Variants in DCP2 observed in about 807,000 individuals in gnomAD.
DCP2 encodes decapping mRNA 2.
In DCP2, 30 loss-of-function variants were observed where a neutral mutation model predicts 56.1. That is an observed-to-expected ratio of 0.53 (90% confidence interval 0.40 to 0.73). DCP2 has a LOEUF of 0.73. Among genes scored for constraint, DCP2 ranks in the 30% least tolerant of loss-of-function variants. The probability of loss-of-function intolerance (pLI) is 0.00; values close to 1 mark genes in which losing one functional copy is unlikely to be tolerated. For synonymous variants in DCP2, 197 were observed against 163.3 expected, an observed-to-expected ratio of 1.21 and a Z score of -1.57; for missense variants, 533 against 502.7, an observed-to-expected ratio of 1.06 and a Z score of -0.58.
intron 8 of DCP2, among the ~76,000 whole-genome samples, chr5:113,006,172 G>A (rs1335360699): frequency 1.3e-5 from 2 of 150,332 alleles, no homozygotes; most frequent in Non-Finnish European, 3.0e-5. Context: ...GGTAAACCTC[G>A]AGGACATTAT....
Position 113,001,676 on chromosome 5 carries a change from T to C in DCP2, c.806+2T>C. Reference sequence around the variant, plus strand: ...TAAACCCACTGTGGAAAAATTGAGGTAAAGAAATACATTCATGGAATCCTG... The same window carrying C: ...TAAACCCACTGTGGAAAAATTGAGGCAAAGAAATACATTCATGGAATCCTG... On this transcript the variant is annotated splice_donor_variant, in intron 7 of 10. Coordinates refer to ENST00000389063, the MANE Select transcript of DCP2 (RefSeq NM_152624.6). LOFTEE classifies it high-confidence loss of function. The C allele has an allele frequency of 6.2e-7, 1 of 1,609,468 alleles. No homozygotes were observed. The highest frequency in any genetic ancestry group is 8.5e-7 in the Non-Finnish European group (1 of 1,175,824).
intron 4 of DCP2, among the ~76,000 whole-genome samples, chr5:113,000,378 G>T (rs1749103887): frequency 6.8e-6 from 1 of 147,532 alleles, no homozygotes; most frequent in South Asian, 2.1e-4. Context: ...CTATTTTTTT[G>T]AAGTGCAATT....
At chr5:112,987,618 GC>G (rs1179599364) in intron 2 of DCP2, among the ~76,000 whole-genome samples, 1 of 71,406 alleles carries the variant, frequency 1.4e-5, no homozygotes, top group Non-Finnish European at 2.8e-5. Context: ...ACACCTAGGT[GC>G]CTTTTTTTTT....
At chr5:112,982,159 T>G (rs886933062) in intron 1 of DCP2, among the ~76,000 whole-genome samples, 1 of 149,742 alleles carries the variant, frequency 6.7e-6, no homozygotes, top group African/African-American at 2.5e-5. Flanking sequence ...ACATTTGGAC[T>G]ATGATTCTGT....
intron 9 of DCP2, among the ~76,000 whole-genome samples, chr5:113,009,219 A>G (rs760951096): frequency 6.6e-6 from 1 of 152,248 alleles, no homozygotes; most frequent in Non-Finnish European, 1.5e-5. Context: ...ATATGATACC[A>G]ATAAAATTCT....
At chr5:113,005,153 T>TGTGTGTGTGTGTGTGG (rs1554101214) in intron 8 of DCP2, among the ~76,000 whole-genome samples, 3 of 149,444 alleles carry the variant, frequency 2.0e-5, no homozygotes, top group Non-Finnish European at 4.5e-5. Flanking sequence ...TGCGTGTGGG[T>TGTGTGTGTGTGTGTGG]GTGTGTGTGT....
intron 2 of DCP2, among the ~76,000 whole-genome samples, chr5:112,990,433 G>A (rs1748526791): frequency 6.6e-6 from 1 of 152,122 alleles, no homozygotes; most frequent in Non-Finnish European, 1.5e-5. Flanking sequence ...TTCTGCTAGG[G>A]ATTTTACTAA....
At chr5:113,000,982 G>C (rs776535648) in intron 4 of DCP2, 102 bp from the exon 5 acceptor site, 13 of 1,133,438 alleles carry the variant, frequency 1.1e-5, no homozygotes, top group Non-Finnish European at 1.6e-5. Context: ...GTAAATACAA[G>C]TCATGTCCCC....
chr5:112,988,494 TAAAAAAAAA>T (rs368124032), intron 2 of DCP2, among the ~76,000 whole-genome samples: 3 of 82,452 alleles, frequency 3.6e-5, no homozygotes, highest in African/African-American at 5.0e-5. Flanking sequence ...TGTGTCTTAA[TAAAAAAAAA>T]AAAAAAAAAA....
At position 113,001,460 on chromosome 5, in the gene DCP2, C is replaced by G. The variant is rs1477986191; in HGVS notation, c.689C>G (p.Pro230Arg). ...LAPNKFFMAI[P>R]FIRPLRDWLS... ...CCTAACAAATTTTTTATGGCCATTC[C>G]CTTTATCAGGTGTGTTCATATTTCT... Residue 230 changes from proline (P) to arginine (R), a missense_variant, in exon 6 of 11, where the codon CCC becomes CGC. Transcript: ENST00000389063. 6.2e-7 allele frequency: 1 copy of G among 1,613,120 alleles called. No individual in the cohort carries two copies. The highest frequency in any genetic ancestry group is 1.7e-5 in the Admixed American group (1 of 59,972).
At chr5:112,986,024 T>C (rs1205063937) in intron 2 of DCP2, 38 bp downstream of exon 2, 3 of 1,475,706 alleles carry the variant, frequency 2.0e-6, no homozygotes, top group Non-Finnish European at 2.7e-6. Flanking sequence ...ACTTTCTTGT[T>C]AGCAATATAT....
At chr5:112,983,714 A>T (rs773505957) in intron 1 of DCP2, among the ~76,000 whole-genome samples, 1 of 152,242 alleles carries the variant, frequency 6.6e-6, no homozygotes, top group Non-Finnish European at 1.5e-5. Context: ...AAAAGGTCAT[A>T]TACAAAACAT....
At position 113,021,228 on chromosome 5, in the gene DCP2, G is replaced by A. The variant is rs549579898; in HGVS notation, c.*7744G>A. Among the ~76,000 whole-genome samples the A allele has an allele frequency of 4.6e-5, 7 of 151,996 alleles. No individual in the cohort carries two copies. The highest frequency in any genetic ancestry group is 1.9e-4 in the East Asian group (1 of 5,168). On this transcript the variant is annotated 3_prime_UTR_variant, in exon 11 of 11. Transcript: ENST00000389063. ...CTAAAAATTCAAAAATTAGCTGGGC[G>A]TGGTGGTGCGTGTCTGTAGTCCCAG...
chr5:112,991,721 A>G (rs1403129996), intron 2 of DCP2, among the ~76,000 whole-genome samples: 2 of 152,162 alleles, frequency 1.3e-5, no homozygotes, highest in Non-Finnish European at 2.9e-5. Flanking sequence ...ATTTCTTGTT[A>G]TTACGCTAAT....
rs576690303 is a variant in DCP2 at position 112,993,638 on chromosome 5, A to C, written c.432+868A>C. On this transcript the variant is annotated intron_variant, in intron 4 of 10. Transcript: ENST00000389063. ...AAACACTATCTCAAAAAAAAAAAAA[A>C]ACCAAAAAAAAAAAACCAAAATTTT... 5.6e-4 allele frequency among the ~76,000 whole-genome samples: 76 copies of C among 134,970 alleles called. 1 individual carries two copies. The South Asian group carries it at 0.018, about 33-fold the overall frequency. The allele number at this position is 134,970 out of a possible 152,430, so 88.5% of individuals were successfully genotyped here.
At chr5:112,982,345 G>T (rs950420233) in intron 1 of DCP2, among the ~76,000 whole-genome samples, 2 of 152,158 alleles carry the variant, frequency 1.3e-5, no homozygotes, top group Non-Finnish European at 1.5e-5. Flanking sequence ...TTGCTCCTCA[G>T]ACTTGCCTAG....
At chr5:112,981,288 G>A (rs1341224490) in intron 1 of DCP2, among the ~76,000 whole-genome samples, 1 of 152,050 alleles carries the variant, frequency 6.6e-6, no homozygotes, top group Non-Finnish European at 1.5e-5. Context: ...GAGATTACAG[G>A]TGTGAACTAC....
Position 113,003,987 on chromosome 5 carries a change from T to C in DCP2, c.852T>C (p.Ser284=). Residue 284 remains serine, a synonymous_variant, in exon 8 of 11, where the codon TCT becomes TCC. Transcript: ENST00000389063. ...GTCAGCAGTTATTTCCTGACGGTTC[T>C]CCTGGTGACCAGTGGGTAAAGCACA... ...RHSQQLFPDG[S]PGDQWVKHRQ... is the part of the protein sequence containing the mutation. 13 of 1,614,178 alleles carry C rather than the reference T, an allele frequency of 8.1e-6. No homozygotes were observed. The highest frequency in any genetic ancestry group is 1.0e-5 in the Non-Finnish European group (12 of 1,180,006).
rs1185416641 is a variant in DCP2 at position 112,988,546 on chromosome 5, G to A, written c.205+2560G>A. Among the ~76,000 whole-genome samples, 3 of 148,500 alleles carry A rather than the reference G, an allele frequency of 2.0e-5. No homozygotes were observed. The East Asian group carries it at 5.9e-4, about 29-fold the overall frequency. ...GTATCCAAGATTTATTGGTTGGTCT[G>A]TTACATCACTTGACGTTCAGGGCAA... On this transcript the variant is annotated intron_variant, in intron 2 of 10. Transcript: ENST00000389063.
Sources: allele counts gnomAD v4.1 joint callset (sites outside exome capture counted in the v4.1 genomes callset), GRCh38; gene constraint gnomAD v4.1.1; transcripts MANE v1.5; gene names NCBI Gene and HGNC (gene_info 2026-07-23, HGNC 2026-07-21).